Variants in DDX51 observed in about 807,000 individuals in gnomAD.
DDX51 encodes the protein DEAD-box helicase 51.
In DDX51, 67 loss-of-function variants were observed where a neutral mutation model predicts 74.6. The ratio of observed to expected loss-of-function variants is 0.90; its 90% CI spans 0.74 to 1.10. DDX51 has a LOEUF of 1.10. Among genes scored for constraint, DDX51 ranks in the 50% least tolerant of loss-of-function variants. The pLI, the probability that DDX51 is intolerant of heterozygous loss-of-function variation, is 0.00. For synonymous variants in DDX51, 545 were observed against 402.9 expected (o/e 1.35, Z -4.22); for missense variants, 1,056 against 905.2 (o/e 1.17, Z -2.14).
chr12:132,139,662 G>T lies in DDX51; in HGVS notation c.1947C>A (p.Ala649=), dbSNP rs777505261. ...LQPLVPRYEE[A]LSQLEESVKE... ...TGACAGACTCCTCCAGCTGGGACAG[G>T]GCCTCCTCGTACCGAGGAACCAGCG... Residue 649 remains alanine, a synonymous_variant, in exon 14 of 15, where the codon GCC becomes GCA. Transcript: ENST00000397333. The T allele has an allele frequency of 1.2e-6, 2 of 1,613,082 alleles. No homozygotes were observed. The highest frequency in any genetic ancestry group is 1.7e-6 in the Non-Finnish European group (2 of 1,180,002).
chr12:132,142,266 C>T lies in DDX51; in HGVS notation c.816+11G>A, dbSNP rs1374338275. The T allele has an allele frequency of 1.2e-6, 2 of 1,612,408 alleles. No individual in the cohort carries two copies. The highest frequency in any genetic ancestry group is 2.2e-5 in the East Asian group (1 of 44,884). On this transcript the variant is annotated intron_variant, in intron 4 of 14. Coordinates refer to ENST00000397333, the MANE Select transcript of DDX51 (RefSeq NM_175066.4). ...ACACCCGCTGTAGAGAAAGGGGACC[C>T]TCACACAGACCTGCACCACAGGGAT...
At chr12:132,141,705 G>A (rs1897470536) in intron 6 of DDX51, 99 bp from the exon 7 acceptor site, 2 of 1,474,290 alleles carry the variant, frequency 1.4e-6, no homozygotes, top group South Asian at 2.6e-5. Flanking sequence ...CACCCCACAT[G>A]GGAAGGGGGC....
At chr12:132,143,067 G>C (rs1246052312) in intron 2 of DDX51, 189 bp from the exon 3 acceptor site, 4 of 693,456 alleles carry the variant, frequency 5.8e-6, no homozygotes, top group African/African-American at 5.4e-5. Flanking sequence ...CACTCCCTGA[G>C]CAAACTCACT....
At chr12:132,142,040 C>T in intron 5 of DDX51, 79 bp downstream of exon 5, 1 of 1,603,074 alleles carries the variant, frequency 6.2e-7, no homozygotes, top group African/African-American at 1.3e-5. Context: ...AATCTGGGTC[C>T]CCCAGGGGCT....
intron 6 of DDX51, 94 bp from the exon 7 acceptor site, chr12:132,141,700 C>T (rs1027463342): frequency 1.3e-6 from 2 of 1,487,386 alleles, no homozygotes; most frequent in Non-Finnish European, 1.8e-6. Context: ...GACTCCACCC[C>T]ACATGGGAAG....
At chr12:132,139,554 CTT>C (rs751437374) in intron 14 of DDX51, 79 bp downstream of exon 14, 2 of 1,611,302 alleles carry the variant, frequency 1.2e-6, no homozygotes, top group South Asian at 1.1e-5. Flanking sequence ...CTTTTTCCCT[CTT>C]TTCTCCACGT....
chr12:132,142,080 G>A (rs745914025), intron 5 of DDX51, 39 bp downstream of exon 5: 1 of 1,564,146 alleles, frequency 6.4e-7, no homozygotes, highest in South Asian at 1.2e-5. Flanking sequence ...GGGAAGCTGA[G>A]GCGGGCGGTG....
Position 132,141,349 on chromosome 12 carries a change from G to A in DDX51, c.1176C>T (p.Ala392=), listed in dbSNP as rs776681868. 4.4e-6 allele frequency: 7 copies of A among 1,598,680 alleles called. No homozygotes were observed. The highest frequency in any genetic ancestry group is 5.9e-6 in the Non-Finnish European group (7 of 1,179,686). ...GGTCCGCGGGGTCCTCGCTCTGGAA[G>A]GCGGCCGCCACCACCCGCGGCAGCC... ...QSWLPRVVAA[A]FQSEDPADPC... Residue 392 remains alanine, a synonymous_variant, in exon 8 of 15, where the codon GCC becomes GCT. Coordinates refer to ENST00000397333, the MANE Select transcript of DDX51 (RefSeq NM_175066.4).
In DDX51 at chr12:132,142,822, G is replaced by C. The variant is rs777171512; in HGVS notation, c.576C>G (p.Val192=). The change falls in exon 3 of 15, where the codon GTC becomes GTG. Residue 192 remains valine (V), a synonymous_variant. Coordinates refer to ENST00000397333, the MANE Select transcript of DDX51 (RefSeq NM_175066.4). Reference sequence around the variant, plus strand: ...CCTCGATAGGAACCAGGTCTTCGGTGACATTCCTTCTGACACAGTTAGGCT... The same window carrying C: ...CCTCGATAGGAACCAGGTCTTCGGTCACATTCCTTCTGACACAGTTAGGCT... ...LAEPNCVRRN[V]TEDLVPIEDI... 1.2e-6 allele frequency: 2 copies of C among 1,612,912 alleles called. No homozygotes were observed. The highest frequency in any genetic ancestry group is 2.7e-5 in the African/African-American group (2 of 74,944).
rs1399596635 is a variant in DDX51, at chr12:132,144,314, G to C, written c.-18C>G. The C allele has an allele frequency of 6.7e-6, 9 of 1,346,492 alleles. No homozygotes were observed. The highest frequency in any genetic ancestry group is 8.5e-6 in the Non-Finnish European group (9 of 1,053,532). 83.4% of individuals were successfully genotyped at this position (1,346,492 alleles called of 1,614,324 possible). ...AGCGCCATGGCCAGCCGCACGCCTGGGACTCGGGCGTGGCGCGCTGCGATG... is the reference window on the plus strand; with the variant it reads ...AGCGCCATGGCCAGCCGCACGCCTGCGACTCGGGCGTGGCGCGCTGCGATG... On this transcript the variant is annotated 5_prime_UTR_variant, in exon 1 of 15. Transcript: ENST00000397333.
rs1428465968 is a variant in DDX51, at chr12:132,143,737, G to A, written c.477C>T (p.Pro159=). 1.4e-5 allele frequency: 21 copies of A among 1,529,886 alleles called. No individual in the cohort carries two copies. Among genetic ancestry groups the A allele is most frequent in the Non-Finnish European group, 1.8e-5 (21 of 1,141,090 alleles). 94.8% of individuals were successfully genotyped at this position (1,529,886 alleles called of 1,614,324 possible). A position where few individuals can be genotyped will look rare whatever the true frequency, so the allele number is the denominator to read the frequency against. Residue 159 remains proline, a synonymous_variant, in exon 2 of 15, where the codon CCC becomes CCT. Coordinates refer to ENST00000397333, the MANE Select transcript of DDX51 (RefSeq NM_175066.4). ...ALEEAAGPLV[P]GLVLGGFGKR... The stretch of plus-strand genomic sequence containing the variant: ...TCCCGAACCCCCCCAGCACCAGGCC[G>A]GGGACCAGGGGTCCGGCCGCCTCCT...
Position 132,143,818 on chromosome 12 carries a change from C to T in DDX51, c.396G>A (p.Pro132=), listed in dbSNP as rs1187174039. ...EPSAGSSEEA[P]GERSTSASAE... ...CGCTGGCGCTGGTGCTGCGCTCCCCCGGCGCCTCCTCGCTGCTCCCTGCGC... is the reference window on the plus strand; with the variant it reads ...CGCTGGCGCTGGTGCTGCGCTCCCCTGGCGCCTCCTCGCTGCTCCCTGCGC... Residue 132 remains proline (P), a synonymous_variant, in exon 2 of 15, where the codon CCG becomes CCA. Transcript: ENST00000397333. The T allele has an allele frequency of 4.6e-6, 7 of 1,525,926 alleles. No homozygotes were observed. The highest frequency in any genetic ancestry group is 4.0e-5 in the Admixed American group (2 of 50,574). 94.5% of individuals were successfully genotyped at this position (1,525,926 alleles called of 1,614,324 possible).
rs951876014 is a variant in DDX51, at chr12:132,137,899, G to A, written c.*1373C>T. 3.3e-5 allele frequency: 5 copies of A among 151,766 alleles called. No homozygotes were observed. Among genetic ancestry groups the A allele is most frequent in the African/African-American group, 7.3e-5 (3 of 41,338 alleles). The allele number at this position is 151,766 out of a possible 1,614,324, so 9.4% of individuals were successfully genotyped here. ...CCAGCCCCAACCCCCACCAACTCCC[G>A]GCCCCGGCACCCTTCAATCTCTGGC... is the stretch of plus-strand genomic sequence containing the variant. On this transcript the variant is annotated 3_prime_UTR_variant, in exon 15 of 15. Coordinates refer to ENST00000397333, the MANE Select transcript of DDX51 (RefSeq NM_175066.4).
Position 132,143,841 on chromosome 12 carries a change from C to G in DDX51, c.373G>C (p.Ala125Pro), listed in dbSNP as rs750530823. ...CCCGGCGCCTCCTCGCTGCTCCCTG[C>G]GCTGGGCTCCCCTGGCGCCTCCTCG... is the stretch of plus-strand genomic sequence containing the variant. The part of the protein sequence containing the change: ...SSEEAPGEPS[A>P]GSSEEAPGER... The change falls in exon 2 of 15, where the codon GCA becomes CCA. Residue 125 changes from alanine to proline, a missense_variant. Physicochemically the swap from Ala to Pro is conservative, Grantham distance 27 (BLOSUM62 -1). Transcript: ENST00000397333. 1 of 1,499,068 alleles carries G rather than the reference C, an allele frequency of 6.7e-7. No individual in the cohort carries two copies. The highest frequency in any genetic ancestry group is 2.0e-5 in the Admixed American group (1 of 50,300). 92.9% of individuals were successfully genotyped at this position (1,499,068 alleles called of 1,614,324 possible).
Position 132,141,952 on chromosome 12 carries a change from C to T in DDX51, c.893G>A (p.Ser298Asn), listed in dbSNP as rs115150746. The T allele has an allele frequency of 1.0e-4, 167 of 1,612,826 alleles. No individual in the cohort carries two copies. In the African/African-American group the frequency reaches 1.9e-3, roughly 19 times the overall value. Residue 298 changes from serine to asparagine, a missense_variant, in exon 6 of 15, where the codon AGC becomes AAC. By Grantham distance (46) the Ser-to-Asn change is conservative. Coordinates refer to ENST00000397333, the MANE Select transcript of DDX51 (RefSeq NM_175066.4). ...LPTKELAQQV[S>N]KVFNIYTDAT... Reference sequence around the variant, plus strand: ...ATCTGTGTAGATGTTGAAAACTTTGCTCACCTGCAGGAGAAGTCTGTCACT... The same window carrying T: ...ATCTGTGTAGATGTTGAAAACTTTGTTCACCTGCAGGAGAAGTCTGTCACT...
In DDX51 at chr12:132,136,758, C is replaced by CGGGCAA. The variant is rs1241424388; in HGVS notation, c.*2508_*2513dup. 3 of 152,258 alleles carry CGGGCAA rather than the reference C, an allele frequency of 2.0e-5. No homozygotes were observed. Among genetic ancestry groups the CGGGCAA allele is most frequent in the African/African-American group, 7.2e-5 (3 of 41,414 alleles). 9.4% of individuals were successfully genotyped at this position (152,258 alleles called of 1,614,324 possible). ...TTGGCCCACTGCAACCTCCACCTCC[C>CGGGCAA]GGGCAAGTGATTCTCCTGCCTCAGC... On this transcript the variant is annotated 3_prime_UTR_variant, in exon 15 of 15. Coordinates refer to ENST00000397333, the MANE Select transcript of DDX51 (RefSeq NM_175066.4).
intron 2 of DDX51, 103 bp from the exon 3 acceptor site, chr12:132,142,981 T>C: frequency 2.7e-6 from 4 of 1,508,022 alleles, no homozygotes; most frequent in South Asian, 1.1e-5. Flanking sequence ...GAAACCTCTG[T>C]CGTCTTCAGC....
At chr12:132,141,090 T>C (rs1692278309) in intron 8 of DDX51, 70 bp from the exon 9 acceptor site, 4 of 1,533,410 alleles carry the variant, frequency 2.6e-6, no homozygotes, top group Non-Finnish European at 3.5e-6. Context: ...ACAGGATTCC[T>C]CATGCTACGC....
rs2100182081 is a variant in DDX51 at position 132,137,085 on chromosome 12, CTCAG to C, written c.*2183_*2186del. On this transcript the variant is annotated 3_prime_UTR_variant, in exon 15 of 15. Transcript: ENST00000397333. ...ATTTGTATAGAGAGTTTCTGTCAGA[CTCAG>C]TCTGTGCTGCTCTGTGACACTTTTC... 1 of 152,270 alleles carries C rather than the reference CTCAG, an allele frequency of 6.6e-6. No individual in the cohort carries two copies. Among genetic ancestry groups the C allele is most frequent in the Non-Finnish European group, 1.5e-5 (1 of 68,068 alleles). The allele number at this position is 152,270 out of a possible 1,614,324, so 9.4% of individuals were successfully genotyped here.
Sources: allele counts gnomAD v4.1 joint callset, GRCh38; gene constraint gnomAD v4.1.1; transcripts MANE v1.5; gene names NCBI Gene and HGNC (gene_info 2026-07-23, HGNC 2026-07-21).